TAFA2: variants seen among roughly 807,000 people sequenced by gnomAD.
TAFA2 encodes the protein TAFA chemokine like family member 2.
In TAFA2, 7 loss-of-function variants were observed where a neutral mutation model predicts 18.8. The observed-to-expected ratio is 0.37, with a 90% CI of 0.21 to 0.70. The LOEUF (loss-of-function observed/expected upper bound fraction) is 0.70, where lower values mean the gene tolerates loss of function less well. TAFA2 is among the 30% of genes least tolerant of loss of function. The pLI, the probability that TAFA2 is intolerant of heterozygous loss-of-function variation, is 0.53. For synonymous variants in TAFA2, 60 were observed against 54.2 expected (o/e 1.11, Z -0.47); for missense variants, 122 against 158.1 (o/e 0.77, Z 1.23).
chr12:61,927,237 G>A (rs1877343665), intron 1 of TAFA2, among the ~76,000 whole-genome samples: 1 of 152,150 alleles, frequency 6.6e-6, no homozygotes, highest in African/African-American at 2.4e-5. Flanking sequence ...TCTGTTTGCA[G>A]ATGACATGAT....
chr12:62,139,840 C>T (rs1446452467), intron 1 of TAFA2, among the ~76,000 whole-genome samples: 3 of 152,152 alleles, frequency 2.0e-5, no homozygotes, highest in East Asian at 1.9e-4. Context: ...AGAAGTGACT[C>T]GCCCAAGGTC....
intron 1 of TAFA2, among the ~76,000 whole-genome samples, chr12:62,093,863 C>G (rs1868829572): frequency 6.6e-6 from 1 of 151,888 alleles, no homozygotes; most frequent in African/African-American, 2.4e-5. Context: ...ATCATGAATC[C>G]AAAATGAGAT....
At chr12:62,210,200 A>AATAG in intron 1 of TAFA2, among the ~76,000 whole-genome samples, 1 of 151,580 alleles carries the variant, frequency 6.6e-6, no homozygotes, top group Non-Finnish European at 1.5e-5. Flanking sequence ...TAAATAAATA[A>AATAG]ATAAATAAAT....
intron 4 of TAFA2, among the ~76,000 whole-genome samples, chr12:61,721,835 A>T (rs975035428): frequency 6.6e-6 from 1 of 151,974 alleles, no homozygotes; most frequent in Non-Finnish European, 1.5e-5. Flanking sequence ...CGGTTGCCTG[A>T]TCCCAGCTAC....
chr12:61,815,057 G>A (rs1331601736), intron 2 of TAFA2, among the ~76,000 whole-genome samples: 2 of 151,498 alleles, frequency 1.3e-5, no homozygotes, highest in East Asian at 3.9e-4. Flanking sequence ...TGTTACAGCA[G>A]CAATAGAAAA....
chr12:61,968,474 A>G (rs1879140195), intron 1 of TAFA2, among the ~76,000 whole-genome samples: 1 of 151,776 alleles, frequency 6.6e-6, no homozygotes, highest in African/African-American at 2.4e-5. Context: ...ATACAAAAAC[A>G]TGAGACATAC....
At chr12:61,717,419 T>C (rs1031596431) in intron 4 of TAFA2, among the ~76,000 whole-genome samples, 1 of 152,220 alleles carries the variant, frequency 6.6e-6, no homozygotes, top group Non-Finnish European at 1.5e-5. Context: ...TTCATGATGA[T>C]GGAGGTGACT....
intron 1 of TAFA2, among the ~76,000 whole-genome samples, chr12:61,930,345 A>C (rs1476185409): frequency 6.6e-6 from 1 of 152,200 alleles, no homozygotes; most frequent in Non-Finnish European, 1.5e-5. Context: ...ATAAAAAATT[A>C]TAAGGAAGTT....
At chr12:61,910,262 C>G (rs1876553502) in intron 1 of TAFA2, among the ~76,000 whole-genome samples, 1 of 152,048 alleles carries the variant, frequency 6.6e-6, no homozygotes, top group Non-Finnish European at 1.5e-5. Context: ...AGGAGATGCT[C>G]TCCCATGTTA....
chr12:61,712,141 G>T (rs1001988180), intron 4 of TAFA2, among the ~76,000 whole-genome samples: 9 of 152,058 alleles, frequency 5.9e-5, no homozygotes, highest in Non-Finnish European at 8.8e-5. Flanking sequence ...CTCTGCTGTT[G>T]CTCAGTGTAG....
chr12:62,187,822 G>T (rs1054246751), intron 1 of TAFA2, among the ~76,000 whole-genome samples: 5 of 152,058 alleles, frequency 3.3e-5, no homozygotes, highest in Non-Finnish European at 7.4e-5. Flanking sequence ...ATTGTGCTCC[G>T]AACCTAAAGT....
chr12:62,216,096 A>T (rs2062734808), intron 1 of TAFA2, among the ~76,000 whole-genome samples: 1 of 152,220 alleles, frequency 6.6e-6, no homozygotes, highest in South Asian at 2.1e-4. Context: ...ACAGAGTCTG[A>T]GTTGACACTA....
intron 1 of TAFA2, among the ~76,000 whole-genome samples, chr12:62,025,967 G>C (rs1037607242): frequency 1.3e-5 from 2 of 151,978 alleles, no homozygotes; most frequent in African/African-American, 4.8e-5. Context: ...CACTAACATG[G>C]CAAACAACCA....
At chr12:61,861,223 A>G (rs1288464587) in intron 2 of TAFA2, among the ~76,000 whole-genome samples, 3 of 142,972 alleles carry the variant, frequency 2.1e-5, no homozygotes, top group African/African-American at 7.8e-5. Flanking sequence ...AAGTGCTGGG[A>G]TTACAGGCAT....
chr12:62,085,216 C>T (rs1868403325), intron 1 of TAFA2, among the ~76,000 whole-genome samples: 1 of 152,162 alleles, frequency 6.6e-6, no homozygotes, highest in South Asian at 2.1e-4. Context: ...AGGGAAAAGA[C>T]ATCTGACATA....
chr12:61,838,064 G>T (rs117314955), intron 2 of TAFA2, among the ~76,000 whole-genome samples: 1 of 151,928 alleles, frequency 6.6e-6, no homozygotes, highest in Non-Finnish European at 1.5e-5. Flanking sequence ...CATTTTAGGG[G>T]ACTAAATCTA....
chr12:62,213,014 G>A (rs1181656123), intron 1 of TAFA2, among the ~76,000 whole-genome samples: 4 of 152,146 alleles, frequency 2.6e-5, no homozygotes, highest in Non-Finnish European at 2.9e-5. Flanking sequence ...TAAAAAAAGT[G>A]CAATTATGAA....
intron 1 of TAFA2, among the ~76,000 whole-genome samples, chr12:62,089,677 T>C (rs182171403): frequency 9.2e-5 from 14 of 152,162 alleles, no homozygotes; most frequent in Admixed American, 9.2e-4. Flanking sequence ...CCCAATATTT[T>C]AAATACATAT....
chr12:62,054,326 T>C (rs182188049), intron 1 of TAFA2, among the ~76,000 whole-genome samples: 1 of 152,334 alleles, frequency 6.6e-6, no homozygotes, highest in East Asian at 1.9e-4. Context: ...CTTTTCACCA[T>C]TAATGTCCTA....
Sources: allele counts gnomAD v4.1 joint callset (sites outside exome capture counted in the v4.1 genomes callset), GRCh38; gene constraint gnomAD v4.1.1; transcripts MANE v1.5; gene names NCBI Gene and HGNC (gene_info 2026-07-23, HGNC 2026-07-21).